Variants in NPIPA5 observed in about 807,000 individuals in gnomAD.
NPIPA5 encodes the protein nuclear pore complex-interacting protein family member A5.
In NPIPA5, 6 loss-of-function variants were observed where a neutral mutation model predicts 21.4. The ratio of observed to expected loss-of-function variants is 0.28; its 90% CI spans 0.15 to 0.55. The LOEUF (loss-of-function observed/expected upper bound fraction) is 0.55. Among genes scored for constraint, NPIPA5 ranks in the 20% least tolerant of loss-of-function variants. The pLI is 0.93. For missense variants in NPIPA5, 99 were observed against 318.2 expected, an observed-to-expected ratio of 0.31 and a Z score of 5.24; for synonymous variants, 33 against 115.3, an observed-to-expected ratio of 0.29 and a Z score of 4.57.
At chr16:15,377,788 G>T (rs1208159984) in intron 1 of NPIPA5, among the ~76,000 whole-genome samples, 2 of 150,200 alleles carry the variant, frequency 1.3e-5, no homozygotes. Context: ...CTGGTGGAAG[G>T]TTTAGCTACA....
chr16:15,371,884 A>T (rs2050165104), intron 2 of NPIPA5, among the ~76,000 whole-genome samples: 1 of 145,538 alleles, frequency 6.9e-6, no homozygotes, highest in African/African-American at 2.5e-5. Context: ...ATCATGTACT[A>T]GGATTTCAAG....
Position 15,377,378 on chromosome 16 carries a change from A to T in NPIPA5, c.63+854T>A, listed in dbSNP as rs188634760. On this transcript the variant is annotated intron_variant, in intron 1 of 7. Coordinates refer to ENST00000360151, the MANE Select transcript of NPIPA5 (RefSeq NM_001277325.2). The stretch of plus-strand genomic sequence containing the variant: ...CCCCGCGGGTCCAACGTCTACTCAC[A>T]CAGGTGGACTGATGGCTGATAAATC... Among the ~76,000 whole-genome samples the T allele has an allele frequency of 6.7e-3, 1,006 of 149,532 alleles. 5 individuals carry two copies. Among genetic ancestry groups the T allele is most frequent in the Non-Finnish European group, 0.011 (723 of 67,508 alleles).
chr16:15,379,003 C>T (rs1226626013), upstream of NPIPA5, among the ~76,000 whole-genome samples: 1 of 148,036 alleles, frequency 6.8e-6, no homozygotes, highest in Non-Finnish European at 1.5e-5. Context: ...GGGCAGGACC[C>T]AGGGGCCTGG....
intron 2 of NPIPA5, among the ~76,000 whole-genome samples, chr16:15,373,471 CA>C (rs2050210099): frequency 6.9e-6 from 1 of 145,360 alleles, no homozygotes; most frequent in African/African-American, 2.5e-5. Context: ...ACAAATAGCA[CA>C]AAGGTTAAAA....
At chr16:15,380,914 C>T (rs1283713937), upstream of NPIPA5, 7 of 1,213,788 alleles carry the variant, frequency 5.8e-6, no homozygotes, top group East Asian at 1.6e-4. Context: ...CCCCATCTGT[C>T]TGCACTCACT....
At chr16:15,370,287 C>T (rs1188722249) in intron 2 of NPIPA5, among the ~76,000 whole-genome samples, 168 bp from the exon 3 acceptor site, 1 of 144,876 alleles carries the variant, frequency 6.9e-6, no homozygotes, top group Non-Finnish European at 1.5e-5. Flanking sequence ...ATTAGCCGGG[C>T]ATGGCAGTGG....
intron 4 of NPIPA5, among the ~76,000 whole-genome samples, chr16:15,369,378 C>A (rs1020233783): frequency 4.0e-5 from 6 of 150,486 alleles, no homozygotes; most frequent in Admixed American, 4.0e-4. Flanking sequence ...ATTGCTTGAA[C>A]CCAAAAGGCA....
chr16:15,365,988 GA>G lies in NPIPA5; in HGVS notation c.546-355del, dbSNP rs2049971204. Among the ~76,000 whole-genome samples, 2 of 58,130 alleles carry G rather than the reference GA, an allele frequency of 3.4e-5. 1 individual carries two copies. The highest frequency in any genetic ancestry group is 2.5e-3 in the East Asian group (2 of 814). 38.1% of individuals were successfully genotyped at this position (58,130 alleles called of 152,430 possible). ...GGAGGCTGAGGCAGGGGAATCATTT[GA>G]ACCTGGGAGGCAGAGGTTGCAATGA... On this transcript the variant is annotated intron_variant, in intron 5 of 7. Coordinates refer to ENST00000360151, the MANE Select transcript of NPIPA5 (RefSeq NM_001277325.2).
rs751874468 is a variant in NPIPA5, at chr16:15,372,351, C to G, written c.192+1364G>C. Among the ~76,000 whole-genome samples, 112 of 148,028 alleles carry G rather than the reference C, an allele frequency of 7.6e-4. 3 individuals are homozygous for G. The highest frequency in any genetic ancestry group is 3.1e-3 in the Admixed American group (43 of 14,066). On this transcript the variant is annotated intron_variant, in intron 2 of 7. Coordinates refer to ENST00000360151, the MANE Select transcript of NPIPA5 (RefSeq NM_001277325.2). ...AATACACAAATTAGCTGGGCATGGT[C>G]GTGGGCACCTGTAATCCCAGCTACT... is the stretch of plus-strand genomic sequence containing the variant.
intron 1 of NPIPA5, among the ~76,000 whole-genome samples, chr16:15,375,768 G>T (rs1049436831): frequency 6.7e-6 from 1 of 149,100 alleles, no homozygotes; most frequent in African/African-American, 2.5e-5. Flanking sequence ...AAATTACCAA[G>T]GTGGAGATCA....
rs1243314154 is a variant in NPIPA5 at position 15,371,710 on chromosome 16, C to T, written c.193-1591G>A. On this transcript the variant is annotated intron_variant, in intron 2 of 7. Coordinates refer to ENST00000360151, the MANE Select transcript of NPIPA5 (RefSeq NM_001277325.2). Reference sequence around the variant, plus strand: ...TAGAGATGGGGTTTCACTATGTTGGCCCATCTGGTCTTGAACTCCTGACCT... The same window carrying T: ...TAGAGATGGGGTTTCACTATGTTGGTCCATCTGGTCTTGAACTCCTGACCT... Among the ~76,000 whole-genome samples the T allele has an allele frequency of 4.2e-5, 6 of 141,758 alleles. No homozygotes were observed. The East Asian group carries it at 6.4e-4, about 15-fold the overall frequency. The allele number at this position is 141,758 out of a possible 152,430, so 93.0% of individuals were successfully genotyped here.
intron 1 of NPIPA5, among the ~76,000 whole-genome samples, chr16:15,376,625 G>A (rs985698498): frequency 6.6e-6 from 1 of 150,748 alleles, no homozygotes; most frequent in Admixed American, 6.6e-5. Context: ...TACACTTAAG[G>A]TTATATATTT....
intron 4 of NPIPA5, among the ~76,000 whole-genome samples, 175 bp from the exon 5 acceptor site, chr16:15,366,935 A>T (rs1198324148): frequency 6.6e-6 from 1 of 152,102 alleles, no homozygotes; most frequent in South Asian, 2.1e-4. Context: ...GGGATAAAAA[A>T]AAATCACACT....
At position 15,363,653 on chromosome 16, in the gene NPIPA5, T is replaced by A; in HGVS notation, c.*6A>T. 6.5e-7 allele frequency: 1 copy of A among 1,537,344 alleles called. No homozygotes were observed. The highest frequency in any genetic ancestry group is 8.7e-7 in the Non-Finnish European group (1 of 1,146,224). On this transcript the variant is annotated 3_prime_UTR_variant, in exon 8 of 8. Transcript: ENST00000360151. The stretch of plus-strand genomic sequence containing the variant: ...TTTTATTTTTATATTATTTATTTAT[T>A]CTTCATTAGTTTCTTGAGATTATCA...
chr16:15,376,253 GC>G (rs1277865841), intron 1 of NPIPA5, among the ~76,000 whole-genome samples: 2 of 118,218 alleles, frequency 1.7e-5, no homozygotes, highest in East Asian at 2.5e-4. Flanking sequence ...TCTTGGCTGG[GC>G]ACGGTGGTTC....
chr16:15,379,995 G>C (rs1268245488), upstream of NPIPA5, among the ~76,000 whole-genome samples: 1 of 151,150 alleles, frequency 6.6e-6, no homozygotes, highest in African/African-American at 2.4e-5. Context: ...CTGTGTGTGT[G>C]TGTGTGTGTG....
chr16:15,368,978 CAAAAAAAAAAAAAA>C (rs58185103), intron 4 of NPIPA5, among the ~76,000 whole-genome samples: 1 of 25,462 alleles, frequency 3.9e-5, no homozygotes, highest in Non-Finnish European at 6.3e-5. Context: ...GACTCTGTCT[CAAAAAAAAAAAAAA>C]AAAAAAAAAA....
At chr16:15,375,957 T>C (rs959531724) in intron 1 of NPIPA5, among the ~76,000 whole-genome samples, 4 of 150,266 alleles carry the variant, frequency 2.7e-5, no homozygotes, top group African/African-American at 7.3e-5. Flanking sequence ...CAATTTTAAA[T>C]GTTTCTTTCA....
At chr16:15,379,325 T>G (rs2050380871), upstream of NPIPA5, among the ~76,000 whole-genome samples, 2 of 151,850 alleles carry the variant, frequency 1.3e-5, no homozygotes, top group Admixed American at 6.6e-5. Context: ...ATCCCACCAC[T>G]TTGGGAGGCC....
Sources: allele counts gnomAD v4.1 joint callset (sites outside exome capture counted in the v4.1 genomes callset), GRCh38; gene constraint gnomAD v4.1.1; transcripts MANE v1.5; gene names NCBI Gene and HGNC (gene_info 2026-07-23, HGNC 2026-07-21).